The following RNF220 variants were observed in gnomAD, a reference collection of about 807,000 sequenced individuals.
The protein encoded by RNF220 is ring finger protein 220, also known as E3 ubiquitin-protein ligase RNF220.
RNF220 carries 7 observed loss-of-function variants against 67.1 expected under a neutral mutation model. That is an observed-to-expected ratio of 0.10 (90% CI 0.06 to 0.20). The LOEUF (loss-of-function observed/expected upper bound fraction) is 0.20, where lower values mean the gene tolerates loss of function less well. Among genes scored for constraint, RNF220 ranks in the 10% least tolerant of loss-of-function variants. RNF220 has a pLI of 1.00. For synonymous variants in RNF220, 270 were observed against 283.2 expected (o/e 0.95, Z 0.47); for missense variants, 565 against 740.3 (o/e 0.76, Z 2.75).
At chr1:44,636,405 G>A in intron 8 of RNF220, 2 of 723,928 alleles carry the variant, frequency 2.8e-6, no homozygotes, top group East Asian at 2.7e-5. Context: ...GACGAAGGGG[G>A]GCTCTCAGCT....
intron 2 of RNF220, among the ~76,000 whole-genome samples, chr1:44,463,470 T>C (rs1160244221): frequency 6.6e-6 from 1 of 152,200 alleles, no homozygotes; most frequent in Non-Finnish European, 1.5e-5. Flanking sequence ...TTGTAATTGT[T>C]GTGAAATGAT....
intron 3 of RNF220, among the ~76,000 whole-genome samples, chr1:44,615,157 T>C (rs1247661811): frequency 1.3e-5 from 2 of 152,202 alleles, no homozygotes; most frequent in African/African-American, 2.4e-5. Flanking sequence ...CTGGGCTTCC[T>C]CATAGCTTGC....
At chr1:44,537,194 T>C (rs1056944301) in intron 2 of RNF220, among the ~76,000 whole-genome samples, 4 of 152,098 alleles carry the variant, frequency 2.6e-5, no homozygotes, top group Admixed American at 2.6e-4. Flanking sequence ...CAAACACCTT[T>C]CTTTGCGTGG....
At chr1:44,636,400 A>AG (rs1278171714) in intron 8 of RNF220, 8 of 726,704 alleles carry the variant, frequency 1.1e-5, no homozygotes, top group Admixed American at 4.0e-5. Context: ...GGAGTGACGA[A>AG]GGGGGGCTCT....
intron 2 of RNF220, among the ~76,000 whole-genome samples, chr1:44,561,581 C>A (rs946513781): frequency 6.6e-6 from 1 of 152,140 alleles, no homozygotes; most frequent in Non-Finnish European, 1.5e-5. Flanking sequence ...GAAATTCAAA[C>A]AGGTCAGCCA....
At chr1:44,511,263 G>A (rs1477978119) in intron 2 of RNF220, among the ~76,000 whole-genome samples, 2 of 152,182 alleles carry the variant, frequency 1.3e-5, no homozygotes, top group Admixed American at 6.5e-5. Context: ...AAAGGGATTG[G>A]CTACAGGAGC....
At chr1:44,478,818 A>T (rs551094398) in intron 2 of RNF220, among the ~76,000 whole-genome samples, 27 of 152,308 alleles carry the variant, frequency 1.8e-4, no homozygotes, top group African/African-American at 6.5e-4. Flanking sequence ...CCACGGTCCT[A>T]GGGGTTGAGA....
At chr1:44,430,085 A>AG (rs1650201210) in intron 2 of RNF220, among the ~76,000 whole-genome samples, 2 of 151,694 alleles carry the variant, frequency 1.3e-5, no homozygotes, top group Admixed American at 6.6e-5. Flanking sequence ...AAAAAAAAAA[A>AG]AACCTCATAG....
At chr1:44,477,407 A>T (rs1655393266) in intron 2 of RNF220, among the ~76,000 whole-genome samples, 1 of 152,254 alleles carries the variant, frequency 6.6e-6, no homozygotes, top group South Asian at 2.1e-4. Flanking sequence ...GTGGTCTCTG[A>T]TGAAATGCAT....
At chr1:44,449,559 A>G (rs1008794974) in intron 2 of RNF220, among the ~76,000 whole-genome samples, 1 of 152,028 alleles carries the variant, frequency 6.6e-6, no homozygotes, top group African/African-American at 2.4e-5. Flanking sequence ...GATTACAGGC[A>G]TGTGCCACCA....
intron 3 of RNF220, among the ~76,000 whole-genome samples, chr1:44,618,077 A>G (rs1028834543): frequency 6.6e-6 from 1 of 151,946 alleles, no homozygotes; most frequent in Admixed American, 6.6e-5. Context: ...TCCCCCCTCC[A>G]CTTGACTGCA....
chr1:44,511,600 A>T (rs1385273666), intron 2 of RNF220, among the ~76,000 whole-genome samples: 1 of 152,250 alleles, frequency 6.6e-6, no homozygotes, highest in Non-Finnish European at 1.5e-5. Context: ...CAGGTAGGAG[A>T]ATACTCAGAA....
chr1:44,524,247 T>TGCC (rs1252343157), intron 2 of RNF220, among the ~76,000 whole-genome samples: 19 of 152,234 alleles, frequency 1.2e-4, no homozygotes, highest in Middle Eastern at 3.4e-3. Flanking sequence ...TCCTGCGAAC[T>TGCC]GCCGCCGCCA....
chr1:44,596,910 C>G (rs570277393), intron 2 of RNF220, among the ~76,000 whole-genome samples: 42 of 152,320 alleles, frequency 2.8e-4, no homozygotes, highest in Middle Eastern at 3.4e-3. Flanking sequence ...GTTAAAACAT[C>G]AGAGTCTAAA....
At position 44,414,370 on chromosome 1, in the gene RNF220, ATCTTC is replaced by A. The variant is rs531919181; in HGVS notation, c.625+1653_625+1657del. On this transcript the variant is annotated intron_variant, in intron 2 of 14. Transcript: ENST00000361799. ...TCTCCAAATACAAGTTGAAAATGAA[ATCTTC>A]TCTTAGCTAATATGCCACAAAGTAA... 1.6e-4 allele frequency among the ~76,000 whole-genome samples: 25 copies of A among 152,322 alleles called. 2 individuals are homozygous for A. The South Asian group carries it at 5.0e-3, about 30-fold the overall frequency.
At chr1:44,573,652 GAT>G (rs1243226714) in intron 2 of RNF220, among the ~76,000 whole-genome samples, 1 of 152,218 alleles carries the variant, frequency 6.6e-6, no homozygotes, top group Non-Finnish European at 1.5e-5. Context: ...CAAGGATAGA[GAT>G]AGAAAATTTG....
chr1:44,595,511 C>T (rs1171887693), intron 2 of RNF220, among the ~76,000 whole-genome samples: 1 of 152,144 alleles, frequency 6.6e-6, no homozygotes, highest in Non-Finnish European at 1.5e-5. Context: ...GGCTGGGGCT[C>T]TGGGGCCTCA....
intron 5 of RNF220, among the ~76,000 whole-genome samples, chr1:44,631,284 A>G (rs1167739234): frequency 6.6e-6 from 1 of 152,248 alleles, no homozygotes; most frequent in Non-Finnish European, 1.5e-5. Flanking sequence ...GATGAGTAGG[A>G]GATACAGAGG....
chr1:44,442,369 T>C (rs973659755), intron 2 of RNF220, among the ~76,000 whole-genome samples: 1 of 152,054 alleles, frequency 6.6e-6, no homozygotes, highest in Non-Finnish European at 1.5e-5. Context: ...TCTCCAACTC[T>C]TGGGCTCAAG....
Sources: gnomAD v4.1 joint callset for allele counts (sites outside exome capture counted in the v4.1 genomes callset) on GRCh38, gnomAD v4.1.1 for gene constraint, MANE v1.5 for transcripts, NCBI Gene and HGNC (gene_info 2026-07-23, HGNC 2026-07-21) for gene names.